The following VCAN variants were observed in gnomAD, a reference collection of about 807,000 sequenced individuals.
The protein encoded by VCAN is versican core protein.
In VCAN, 44 loss-of-function variants were observed where a neutral mutation model predicts 245.5. The ratio of observed to expected loss-of-function variants is 0.18; its 90% CI spans 0.14 to 0.23. The LOEUF (loss-of-function observed/expected upper bound fraction) is 0.23, where lower values mean the gene tolerates loss of function less well. VCAN is among the 10% of genes least tolerant of loss of function. The probability of loss-of-function intolerance (pLI) is 1.00; values close to 1 mark genes in which losing one functional copy is unlikely to be tolerated. For synonymous variants in VCAN, 1,413 were observed against 1,437.0 expected (o/e 0.98, Z 0.38); for missense variants, 3,793 against 4,057.9 (o/e 0.93, Z 1.77).
intron 3 of VCAN, among the ~76,000 whole-genome samples, chr5:83,492,024 AT>A (rs536075485): frequency 2.5e-4 from 37 of 147,750 alleles, no homozygotes; most frequent in Admixed American, 4.7e-4. Context: ...TTGGCGTTTG[AT>A]TTTTTTTTTT....
In VCAN at chr5:83,538,202, T is replaced by A; in HGVS notation, c.5199T>A (p.Gly1733=). 2 of 1,613,886 alleles carry A rather than the reference T, an allele frequency of 1.2e-6. No individual in the cohort carries two copies. The highest frequency in any genetic ancestry group is 1.7e-6 in the Non-Finnish European group (2 of 1,179,960). ...KKRKEEEGTT[G]TASTFEVYSS... is the part of the protein sequence containing the mutation. ...GGAAGGAGGAGGAGGGAACTACAGG[T>A]ACGGCTTCTACATTTGAGGTATATT... Residue 1733 remains glycine (G), a synonymous_variant, in exon 8 of 15, where the codon GGT becomes GGA. Transcript: ENST00000265077.
intron 10 of VCAN, among the ~76,000 whole-genome samples, chr5:83,550,611 G>T (rs1561264766): frequency 6.6e-6 from 1 of 152,116 alleles, no homozygotes; most frequent in Admixed American, 6.6e-5. Flanking sequence ...AAGTGGCCAG[G>T]CATGGTGGCT....
chr5:83,529,227 A>T (rs76633589), intron 7 of VCAN, among the ~76,000 whole-genome samples: 9,396 of 151,890 alleles, frequency 0.062, 969 homozygotes, highest in African/African-American at 0.21. Context: ...TGTGATAGAA[A>T]GAGCCTTTGG....
At chr5:83,486,614 T>C (rs2112347901) in intron 2 of VCAN, among the ~76,000 whole-genome samples, 1 of 152,330 alleles carries the variant, frequency 6.6e-6, no homozygotes, top group African/African-American at 2.4e-5. Context: ...TAGGCGACCA[T>C]CCTTCAGCTG....
chr5:83,489,961 T>C (rs1283964285), intron 2 of VCAN, 137 bp from the exon 3 acceptor site: 9 of 848,352 alleles, frequency 1.1e-5, no homozygotes, highest in Middle Eastern at 5.9e-4. Context: ...ATTCTCTTTA[T>C]ATAAAGTCAT....
Position 83,538,363 on chromosome 5 carries a change from C to G in VCAN, c.5360C>G (p.Thr1787Arg). Residue 1787 changes from threonine to arginine, a missense_variant, in exon 8 of 15, where the codon ACA (threonine) becomes AGA (arginine). By Grantham distance (71) the Thr-to-Arg change is moderately conservative. This residue lies in a region of VCAN where 3,182 missense variants were observed against 3,250.3 expected (regional missense o/e 0.98). Coordinates refer to ENST00000265077, the MANE Select transcript of VCAN (RefSeq NM_004385.5). ...TTPTQSEREM[T>R]DSTPVFTETN... is the part of the protein sequence containing the mutation. Reference sequence around the variant, plus strand: ...CCAACACAGTCTGAAAGGGAAATGACAGATTCTACTCCTGTCTTTACAGAA... The same window carrying G: ...CCAACACAGTCTGAAAGGGAAATGAGAGATTCTACTCCTGTCTTTACAGAA... The G allele has an allele frequency of 6.2e-7, 1 of 1,614,028 alleles. No individual in the cohort carries two copies. Among genetic ancestry groups the G allele is most frequent in the African/African-American group, 1.3e-5 (1 of 75,022 alleles).
intron 5 of VCAN, among the ~76,000 whole-genome samples, chr5:83,510,142 A>G (rs1223940500): frequency 6.6e-6 from 1 of 152,208 alleles, no homozygotes; most frequent in African/African-American, 2.4e-5. Flanking sequence ...GCCAGACTAG[A>G]TAATTAAGAA....
intron 5 of VCAN, 104 bp downstream of exon 5, chr5:83,494,035 A>G (rs1280895191): frequency 1.3e-6 from 2 of 1,580,492 alleles, no homozygotes; most frequent in Admixed American, 1.7e-5. Context: ...TTGGATTCCA[A>G]ACGGTGGCAT....
At chr5:83,523,709 T>C (rs1180342752) in intron 7 of VCAN, among the ~76,000 whole-genome samples, 2 of 152,074 alleles carry the variant, frequency 1.3e-5, no homozygotes, top group Admixed American at 6.6e-5. Flanking sequence ...CCAATGCAGT[T>C]TAAAAAGGAC....
chr5:83,531,553 G>A (rs1031157060), intron 7 of VCAN: 4 of 152,076 alleles, frequency 2.6e-5, no homozygotes, highest in Non-Finnish European at 5.9e-5. Flanking sequence ...AAATCTTTTT[G>A]TTACACATTA....
intron 5 of VCAN, among the ~76,000 whole-genome samples, chr5:83,500,214 C>T (rs770871678): frequency 3.3e-5 from 5 of 152,106 alleles, no homozygotes; most frequent in African/African-American, 7.2e-5. Context: ...ATGATTCCGC[C>T]GATGGTTAAA....
In VCAN at chr5:83,519,485, A is replaced by C; in HGVS notation, c.1179A>C (p.Thr393=). 2 of 1,614,198 alleles carry C rather than the reference A, an allele frequency of 1.2e-6. No homozygotes were observed. Among genetic ancestry groups the C allele is most frequent in the South Asian group, 2.2e-5 (2 of 91,090 alleles). The change falls in exon 7 of 15, where the codon ACA becomes ACC. Residue 393 remains threonine, a synonymous_variant. Transcript: ENST00000265077. ...PLVDELPVIP[T]EFPPVGNIVS... Reference sequence around the variant, plus strand: ...TTGATGAATTACCTGTCATTCCAACAGAGTTCCCTCCCGTGGGAAATATTG... The same window carrying C: ...TTGATGAATTACCTGTCATTCCAACCGAGTTCCCTCCCGTGGGAAATATTG...
rs747788596 is a variant in VCAN, at chr5:83,538,447, C to G, written c.5444C>G (p.Pro1815Arg). 6.2e-7 allele frequency: 1 copy of G among 1,613,958 alleles called. No individual in the cohort carries two copies. The highest frequency in any genetic ancestry group is 8.5e-7 in the Non-Finnish European group (1 of 1,179,964). The change falls in exon 8 of 15, where the codon CCT becomes CGT. Residue 1815 changes from proline to arginine, a missense_variant. By Grantham distance (103) the Pro-to-Arg change is moderately radical. Transcript: ENST00000265077. ...ACTGAGCACAGCAGTATCCATCAAC[C>G]TGGGGTTCAGGAAGGGCTGACCACT... ...QTTEHSSIHQ[P>R]GVQEGLTTLP... is the part of the protein sequence containing the mutation.
intron 6 of VCAN, among the ~76,000 whole-genome samples, chr5:83,516,954 G>A (rs556539173): frequency 6.4e-4 from 97 of 152,326 alleles, no homozygotes; most frequent in African/African-American, 2.3e-3. Context: ...GAAGTCTGAG[G>A]TTTTCCATTC....
intron 12 of VCAN, among the ~76,000 whole-genome samples, chr5:83,561,843 G>A (rs1747878401): frequency 6.6e-6 from 1 of 152,068 alleles, no homozygotes; most frequent in Admixed American, 6.6e-5. Context: ...AAACACAAAG[G>A]TTCTTATTCC....
At chr5:83,578,996 T>A (rs1416089322) in intron 13 of VCAN, among the ~76,000 whole-genome samples, 1 of 152,194 alleles carries the variant, frequency 6.6e-6, no homozygotes, top group Admixed American at 6.5e-5. Flanking sequence ...TCATTGTAAA[T>A]TTAAAATGAT....
At position 83,537,011 on chromosome 5, in the gene VCAN, A is replaced by G. The variant is rs762750660; in HGVS notation, c.4008A>G (p.Arg1336=). Residue 1336 remains arginine, a synonymous_variant, in exon 8 of 15, where the codon CGA becomes CGG. Coordinates refer to ENST00000265077, the MANE Select transcript of VCAN (RefSeq NM_004385.5). ...IIEVRENKTG[R]MSDLSVIGHP... is the part of the protein sequence containing the mutation. ...TGAAAACTCTGTTTTTTTCAGGTCG[A>G]ATGAGTGATTTGAGTGTAATTGGTC... is the stretch of plus-strand genomic sequence containing the variant. The G allele has an allele frequency of 3.2e-6, 5 of 1,586,868 alleles. No individual in the cohort carries two copies. The East Asian group carries it at 9.0e-5, about 28-fold the overall frequency.
Position 83,495,427 on chromosome 5 carries a change from C to T in VCAN, c.748+1496C>T, listed in dbSNP as rs138292091. On this transcript the variant is annotated intron_variant, in intron 5 of 14. Coordinates refer to ENST00000265077, the MANE Select transcript of VCAN (RefSeq NM_004385.5). ...AAGATTGCCAGATGTATTTTCTAAA[C>T]CAAAAGTGCAGATGTGAGCAAATTT... Among the ~76,000 whole-genome samples, 954 of 152,216 alleles carry T rather than the reference C, an allele frequency of 6.3e-3. 11 individuals are homozygous for T. Among genetic ancestry groups the T allele is most frequent in the African/African-American group, 0.021 (886 of 41,514 alleles).
Position 83,490,272 on chromosome 5 carries a change from C to T in VCAN, c.245C>T (p.Thr82Ile). Residue 82 changes from threonine to isoleucine, a missense_variant, in exon 3 of 15, where the codon ACT becomes ATT. By Grantham distance (89) the Thr-to-Ile change is moderately conservative. Transcript: ENST00000265077. ...AATGGAAAAGATTTGAAAGAGACTA[C>T]TGTCCTTGTGGCCCAAAATGGAAAT... is the stretch of plus-strand genomic sequence containing the variant. ...DKNGKDLKET[T>I]VLVAQNGNIK... 1.2e-6 allele frequency: 2 copies of T among 1,614,208 alleles called. No homozygotes were observed. The highest frequency in any genetic ancestry group is 1.7e-6 in the Non-Finnish European group (2 of 1,180,050).
Sources: allele counts gnomAD v4.1 joint callset (sites outside exome capture counted in the v4.1 genomes callset), GRCh38; gene constraint gnomAD v4.1.1; regional missense constraint gnomAD v4.1.1; transcripts MANE v1.5; gene names NCBI Gene and HGNC (gene_info 2026-07-23, HGNC 2026-07-21).